The following DACH2 variants were observed in gnomAD, a reference collection of about 807,000 sequenced individuals.
DACH2 encodes dachshund family transcription factor 2, also known as dachshund homolog 2.
In DACH2, 17 loss-of-function variants were observed where a neutral mutation model predicts 35.8. The ratio of observed to expected loss-of-function variants is 0.48; its 90% confidence interval spans 0.33 to 0.71. DACH2 has a LOEUF of 0.71. Ranked by LOEUF, DACH2 falls within the 30% of genes least tolerant of loss-of-function variation. The probability of loss-of-function intolerance (pLI) is 0.02; values close to 1 mark genes in which losing one functional copy is unlikely to be tolerated. For missense variants in DACH2, 469 were observed against 472.7 expected (o/e 0.99, Z 0.07); for synonymous variants, 195 against 177.3 (o/e 1.10, Z -0.79).
intron 2 of DACH2, among the ~76,000 whole-genome samples, chrX:86,457,498 T>C (rs764173462): frequency 8.9e-6 from 1 of 112,281 alleles, no homozygotes; most frequent in African/African-American, 3.2e-5. Flanking sequence ...TGTTACTAAG[T>C]ACAACTTACT....
intron 2 of DACH2, 98 bp from the exon 3 acceptor site, chrX:86,514,181 C>T: frequency 6.7e-6 from 5 of 747,287 alleles, no homozygotes; most frequent in Non-Finnish European, 9.9e-6. Flanking sequence ...TCACTTTTGG[C>T]AATTAAACAA....
intron 7 of DACH2, among the ~76,000 whole-genome samples, chrX:86,756,797 T>A (rs2041834082): frequency 9.0e-6 from 1 of 111,716 alleles, no homozygotes; most frequent in Admixed American, 9.5e-5. Flanking sequence ...AAAGTGGGCA[T>A]CCTCATCTTA....
intron 11 of DACH2, among the ~76,000 whole-genome samples, chrX:86,822,708 T>A (rs2042525300): frequency 9.0e-6 from 1 of 111,569 alleles, no homozygotes; most frequent in Admixed American, 9.6e-5. Flanking sequence ...TACATCATAG[T>A]TAATTAAACG....
At chrX:86,600,825 C>T (rs995199756) in intron 3 of DACH2, among the ~76,000 whole-genome samples, 1 of 111,200 alleles carries the variant, frequency 9.0e-6, no homozygotes, top group African/African-American at 3.3e-5. Flanking sequence ...GACTTAGTTA[C>T]CCCACTATAT....
chrX:86,796,154 GT>G (rs1363732615), intron 7 of DACH2, among the ~76,000 whole-genome samples: 1 of 111,435 alleles, frequency 9.0e-6, no homozygotes, highest in African/African-American at 3.3e-5. Flanking sequence ...TGATTGGTCC[GT>G]TTTTACAGAG....
intron 1 of DACH2, among the ~76,000 whole-genome samples, chrX:86,227,334 GT>G (rs2032847694): frequency 9.0e-6 from 1 of 111,604 alleles, no homozygotes; most frequent in Non-Finnish European, 1.9e-5. Context: ...TATAAAGAGT[GT>G]TTGTCCCTGT....
chrX:86,694,902 G>A, intron 4 of DACH2, 119 bp from the exon 5 acceptor site: 2 of 508,750 alleles, frequency 3.9e-6, no homozygotes, highest in Non-Finnish European at 5.7e-6. Flanking sequence ...TGAGTTAACT[G>A]TGTTCAATAA....
chrX:86,460,639 G>A (rs1276444434), intron 2 of DACH2, among the ~76,000 whole-genome samples: 3 of 110,188 alleles, frequency 2.7e-5, no homozygotes, highest in Admixed American at 9.8e-5. Context: ...ATTCATTACT[G>A]GAATGTATTC....
chrX:86,482,531 T>C (rs983982425), intron 2 of DACH2, among the ~76,000 whole-genome samples: 3 of 109,392 alleles, frequency 2.7e-5, no homozygotes, highest in Admixed American at 2.0e-4. Flanking sequence ...GCATGATTTA[T>C]AGTCCTTTGG....
At chrX:86,690,303 T>A (rs1452485247) in intron 4 of DACH2, among the ~76,000 whole-genome samples, 1 of 111,968 alleles carries the variant, frequency 8.9e-6, no homozygotes, top group African/African-American at 3.2e-5. Flanking sequence ...GCTATTGCTT[T>A]TCACAAACCT....
chrX:86,229,016 CT>C (rs1182112897), intron 1 of DACH2, among the ~76,000 whole-genome samples: 1 of 111,354 alleles, frequency 9.0e-6, no homozygotes, highest in Admixed American at 9.6e-5. Context: ...TTGCTTTTGG[CT>C]TTTTGGTCAT....
At chrX:86,515,509 T>C (rs1252111443) in intron 3 of DACH2, among the ~76,000 whole-genome samples, 2 of 110,956 alleles carry the variant, frequency 1.8e-5, no homozygotes, top group Non-Finnish European at 3.8e-5. Context: ...AGCTTTAAGG[T>C]AGAAGACTTA....
Position 86,235,284 on chromosome X carries a change from A to G in DACH2, c.488+86176A>G, listed in dbSNP as rs201379941. Among the ~76,000 whole-genome samples, 5 of 112,166 alleles carry G rather than the reference A, an allele frequency of 4.5e-5. No homozygotes were observed. In the East Asian group the frequency reaches 1.1e-3, roughly 25 times the overall value. On this transcript the variant is annotated intron_variant, in intron 1 of 11. Coordinates refer to ENST00000373125, the MANE Select transcript of DACH2 (RefSeq NM_053281.3). ...GGCTGGGCTTTCATAATAAAGTTTT[A>G]AATCTTTGGTTTACCTTGATGTCTT...
At chrX:86,271,363 CAT>C (rs1290667922) in intron 1 of DACH2, among the ~76,000 whole-genome samples, 2 of 112,276 alleles carry the variant, frequency 1.8e-5, no homozygotes, top group East Asian at 5.6e-4. Context: ...CATGAATCCA[CAT>C]AGTTAATTTG....
Position 86,491,653 on chromosome X carries a change from A to G in DACH2, c.528-22626A>G, listed in dbSNP as rs139117223. Among the ~76,000 whole-genome samples the G allele has an allele frequency of 5.0e-3, 565 of 111,929 alleles. 4 individuals are homozygous for G. The highest frequency in any genetic ancestry group is 0.017 in the African/African-American group (534 of 30,912). Reference sequence around the variant, plus strand: ...AACGTATTTTGACCATGAAAACAACAAAAACATTTTGCACGTGTTGTCTTT... The same window carrying G: ...AACGTATTTTGACCATGAAAACAACGAAAACATTTTGCACGTGTTGTCTTT... On this transcript the variant is annotated intron_variant, in intron 2 of 11. Transcript: ENST00000373125.
At chrX:86,277,867 T>C (rs780560417) in intron 1 of DACH2, among the ~76,000 whole-genome samples, 1 of 100,499 alleles carries the variant, frequency 1.0e-5, no homozygotes, top group Non-Finnish European at 2.0e-5. Flanking sequence ...AGCCAATAAG[T>C]GGGTGCCTCA....
intron 1 of DACH2, among the ~76,000 whole-genome samples, chrX:86,297,442 G>T (rs767958072): frequency 8.9e-6 from 1 of 112,243 alleles, no homozygotes; most frequent in Non-Finnish European, 1.9e-5. Context: ...GAGGTTAGTT[G>T]TAATAGGAAT....
intron 11 of DACH2, among the ~76,000 whole-genome samples, chrX:86,817,857 T>C (rs919632142): frequency 8.9e-6 from 1 of 112,163 alleles, no homozygotes; most frequent in African/African-American, 3.2e-5. Context: ...TTACTTGCAC[T>C]TAGGAAAGGA....
At chrX:86,344,294 T>C (rs2035461241) in intron 1 of DACH2, among the ~76,000 whole-genome samples, 1 of 103,130 alleles carries the variant, frequency 9.7e-6, no homozygotes, top group South Asian at 4.8e-4. Flanking sequence ...ATTAATGATG[T>C]AGACTAAATT....
Sources: allele counts gnomAD v4.1 joint callset (sites outside exome capture counted in the v4.1 genomes callset), GRCh38; gene constraint gnomAD v4.1.1; transcripts MANE v1.5; gene names NCBI Gene and HGNC (gene_info 2026-07-23, HGNC 2026-07-21).